The following PCDHA5 variants were observed in gnomAD, a reference collection of about 807,000 sequenced individuals.
PCDHA5 encodes the protein protocadherin alpha 5.
A neutral mutation model predicts 61.6 loss-of-function variants in PCDHA5; 43 were observed. That is an observed-to-expected ratio of 0.70 (90% confidence interval 0.55 to 0.90). PCDHA5 has a LOEUF of 0.90. Among genes scored for constraint, PCDHA5 ranks in the 40% least tolerant of loss-of-function variants. The probability of loss-of-function intolerance (pLI) is 0.00; values close to 1 mark genes in which losing one functional copy is unlikely to be tolerated. For missense variants in PCDHA5, 1,298 were observed against 1,222.7 expected (o/e 1.06, Z -0.92); for synonymous variants, 627 against 543.9 (o/e 1.15, Z -2.13).
At chr5:140,871,376 G>C in intron 1 of PCDHA5, 1 of 1,614,196 alleles carries the variant, frequency 6.2e-7, no homozygotes, top group Non-Finnish European at 8.5e-7. Flanking sequence ...CAGAGGGTGT[G>C]CTCTGAGGAG....
intron 1 of PCDHA5, chr5:140,860,694 G>T (rs1263105739): frequency 2.6e-5 from 4 of 152,196 alleles, no homozygotes; most frequent in African/African-American, 7.2e-5. Context: ...TGAGCGACAG[G>T]ATATTGTTGT....
intron 3 of PCDHA5, among the ~76,000 whole-genome samples, chr5:140,986,669 G>C (rs1448376850): frequency 6.6e-6 from 1 of 152,138 alleles, no homozygotes; most frequent in African/African-American, 2.4e-5. Flanking sequence ...ACAGTTTTCA[G>C]AAGAGTTCAG....
At chr5:140,830,341 C>T (rs1554132760) in intron 1 of PCDHA5, 11 of 1,613,972 alleles carry the variant, frequency 6.8e-6, no homozygotes, top group Admixed American at 1.7e-5. Flanking sequence ...GCTGGTCGTA[C>T]TCGCAGCAGA....
chr5:140,869,604 AT>A, intron 1 of PCDHA5: 1 of 1,614,062 alleles, frequency 6.2e-7, no homozygotes, highest in Admixed American at 1.7e-5. Context: ...AGAATGCTCT[AT>A]TGACCTACAG....
At chr5:140,842,387 T>C (rs2150335066) in intron 1 of PCDHA5, 1 of 1,611,016 alleles carries the variant, frequency 6.2e-7, no homozygotes, top group Admixed American at 1.7e-5. Flanking sequence ...GACTTCCTTA[T>C]CCTTGCCTGT....
chr5:140,846,510 G>A (rs1179802495), intron 1 of PCDHA5, among the ~76,000 whole-genome samples: 11 of 147,866 alleles, frequency 7.4e-5, no homozygotes, highest in African/African-American at 2.7e-4. Flanking sequence ...AAGTAGCTGG[G>A]ATTACAGGTG....
intron 3 of PCDHA5, among the ~76,000 whole-genome samples, chr5:141,007,395 CA>C (rs35800918): frequency 0.59 from 55,851 of 95,076 alleles, 14,598 homozygotes; most frequent in African/African-American, 0.74. Context: ...TACTAAAATA[CA>C]AAAAAAAAAA....
intron 2 of PCDHA5, 142 bp from the exon 3 acceptor site, chr5:140,982,333 A>C (rs2096978357): frequency 1.4e-6 from 2 of 1,438,566 alleles, no homozygotes; most frequent in Admixed American, 4.6e-5. Context: ...ACTGCTCAGC[A>C]GTAATTGCTT....
At chr5:140,861,696 G>C (rs2047025266) in intron 1 of PCDHA5, 1 of 223,632 alleles carries the variant, frequency 4.5e-6, no homozygotes, top group South Asian at 6.6e-5. Context: ...GAGGGTGTCT[G>C]TGATGCCGAC....
chr5:140,841,447 C>A, intron 1 of PCDHA5: 1 of 1,612,948 alleles, frequency 6.2e-7, no homozygotes, highest in Non-Finnish European at 8.5e-7. Context: ...CCAAACACGG[C>A]ACCTTCGTGG....
chr5:140,831,696 A>G (rs946538219), intron 1 of PCDHA5, among the ~76,000 whole-genome samples: 3 of 152,070 alleles, frequency 2.0e-5, no homozygotes, highest in African/African-American at 7.2e-5. Flanking sequence ...AGCAGCAAAA[A>G]GTAGTGATTA....
At chr5:140,832,937 G>C (rs1470692327) in intron 1 of PCDHA5, among the ~76,000 whole-genome samples, 3 of 152,104 alleles carry the variant, frequency 2.0e-5, no homozygotes, top group Admixed American at 1.3e-4. Flanking sequence ...TGAGAAGAGA[G>C]TAACTTAAGT....
chr5:140,966,709 G>C, intron 1 of PCDHA5: 1 of 1,387,174 alleles, frequency 7.2e-7, no homozygotes. Context: ...CGTGGGGCAC[G>C]GCTGGGGAAG....
chr5:140,967,066 C>T (rs782715200), intron 1 of PCDHA5: 4 of 1,612,790 alleles, frequency 2.5e-6, no homozygotes, highest in African/African-American at 1.3e-5. Flanking sequence ...GAGCGCTCTT[C>T]GTCAACGAGC....
chr5:140,966,280 G>C (rs782249047), intron 1 of PCDHA5: 3 of 365,660 alleles, frequency 8.2e-6, no homozygotes, highest in African/African-American at 4.2e-5. Flanking sequence ...CTGGACAGTG[G>C]GGGTAGGGAG....
chr5:140,966,909 T>C, intron 1 of PCDHA5: 1 of 1,601,466 alleles, frequency 6.2e-7, no homozygotes, highest in Non-Finnish European at 8.5e-7. Context: ...CGATACTCTG[T>C]GCCAGAGGAG....
intron 1 of PCDHA5, chr5:140,842,835 C>A: frequency 1.3e-6 from 2 of 1,593,850 alleles, no homozygotes; most frequent in South Asian, 2.2e-5. Context: ...CGCTCGCTGT[C>A]GAGCTACATT....
chr5:140,870,944 C>A (rs1554164906), intron 1 of PCDHA5: 1 of 1,613,540 alleles, frequency 6.2e-7, no homozygotes, highest in Admixed American at 1.7e-5. Context: ...CAGCCGGCGG[C>A]GGGCGGCTCG....
At chr5:141,004,857 A>C (rs987029522) in intron 3 of PCDHA5, among the ~76,000 whole-genome samples, 2 of 152,150 alleles carry the variant, frequency 1.3e-5, no homozygotes, top group African/African-American at 4.8e-5. Context: ...TCAGAGAAAA[A>C]ATTTGTTTCT....
Sources: gnomAD v4.1 joint callset for allele counts (sites outside exome capture counted in the v4.1 genomes callset) on GRCh38, gnomAD v4.1.1 for gene constraint, MANE v1.5 for transcripts, NCBI Gene and HGNC (gene_info 2026-07-23, HGNC 2026-07-21) for gene names.